ADAMTS12: variants seen among roughly 807,000 people sequenced by gnomAD.
ADAMTS12 encodes ADAM metallopeptidase with thrombospondin type 1 motif 12.
A neutral mutation model predicts 167.8 loss-of-function variants in ADAMTS12; 118 were observed. The observed-to-expected ratio is 0.70, with a 90% CI of 0.61 to 0.82. The LOEUF (loss-of-function observed/expected upper bound fraction) is 0.82. Among genes scored for constraint, ADAMTS12 ranks in the 40% least tolerant of loss-of-function variants. ADAMTS12 has a pLI of 0.00. For missense variants in ADAMTS12, 1,916 were observed against 1,998.8 expected (o/e 0.96, Z 0.79); for synonymous variants, 704 against 716.9 (o/e 0.98, Z 0.29).
chr5:33,878,810 C>G (rs1445042060), intron 2 of ADAMTS12, among the ~76,000 whole-genome samples: 1 of 152,164 alleles, frequency 6.6e-6, no homozygotes, highest in Non-Finnish European at 1.5e-5. Flanking sequence ...ATCAAAACAT[C>G]TAGGCTGTGG....
At chr5:33,562,377 C>T (rs1745788825) in intron 19 of ADAMTS12, among the ~76,000 whole-genome samples, 1 of 152,038 alleles carries the variant, frequency 6.6e-6, no homozygotes, top group African/African-American at 2.4e-5. Context: ...CTTTGAAAAC[C>T]ATGAAAATGT....
chr5:33,558,816 A>G (rs900371056), intron 20 of ADAMTS12, among the ~76,000 whole-genome samples: 9 of 152,242 alleles, frequency 5.9e-5, no homozygotes, highest in African/African-American at 2.2e-4. Flanking sequence ...TTCTCTGGAT[A>G]TGGAAGAGAA....
At chr5:33,879,592 T>C (rs932218546) in intron 2 of ADAMTS12, among the ~76,000 whole-genome samples, 1 of 152,048 alleles carries the variant, frequency 6.6e-6, no homozygotes, top group Non-Finnish European at 1.5e-5. Context: ...AAAAGAAAAA[T>C]AGAAAACCAT....
intron 20 of ADAMTS12, among the ~76,000 whole-genome samples, chr5:33,555,374 A>C (rs905229277): frequency 6.6e-6 from 1 of 152,138 alleles, no homozygotes; most frequent in African/African-American, 2.4e-5. Context: ...CCTCCCGAGT[A>C]GCTGGGACTA....
At chr5:33,848,920 A>G (rs927009294) in intron 2 of ADAMTS12, among the ~76,000 whole-genome samples, 1 of 151,788 alleles carries the variant, frequency 6.6e-6, no homozygotes. Flanking sequence ...ATATATATAT[A>G]TCGTGGTGTT....
chr5:33,624,050 G>A (rs7710204), intron 14 of ADAMTS12, among the ~76,000 whole-genome samples, 181 bp downstream of exon 14: 1 of 151,922 alleles, frequency 6.6e-6, no homozygotes, highest in African/African-American at 2.4e-5. Context: ...CAATCAACCC[G>A]TTTCCTACAA....
At chr5:33,630,248 A>C (rs781314407) in intron 13 of ADAMTS12, among the ~76,000 whole-genome samples, 2 of 152,236 alleles carry the variant, frequency 1.3e-5, no homozygotes, top group South Asian at 4.1e-4. Flanking sequence ...ATGGTTACAC[A>C]CTTAAAAGCA....
chr5:33,720,472 G>A (rs2112334207), intron 3 of ADAMTS12, among the ~76,000 whole-genome samples: 1 of 152,200 alleles, frequency 6.6e-6, no homozygotes, highest in Non-Finnish European at 1.5e-5. Flanking sequence ...ATGCTAAATA[G>A]AAAGACCAGA....
At position 33,823,240 on chromosome 5, in the gene ADAMTS12, T is replaced by C. The variant is rs529459548; in HGVS notation, c.489+57879A>G. Among the ~76,000 whole-genome samples, 10 of 152,344 alleles carry C rather than the reference T, an allele frequency of 6.6e-5. No homozygotes were observed. In the South Asian group the frequency reaches 2.1e-3, roughly 32 times the overall value. On this transcript the variant is annotated intron_variant, in intron 2 of 23. Coordinates refer to ENST00000504830, the MANE Select transcript of ADAMTS12 (RefSeq NM_030955.4). ...TTTCTCCCTGGGTGGCAAGCTCAATTGCCTTCAGGGCCAAACTGGTAACAT... is the reference window on the plus strand; with the variant it reads ...TTTCTCCCTGGGTGGCAAGCTCAATCGCCTTCAGGGCCAAACTGGTAACAT...
chr5:33,798,708 G>A (rs1746875180), intron 2 of ADAMTS12, among the ~76,000 whole-genome samples: 1 of 152,016 alleles, frequency 6.6e-6, no homozygotes, highest in South Asian at 2.1e-4. Context: ...CCAAAGTGCT[G>A]GGATTACAGG....
At chr5:33,543,606 T>A (rs1279412993) in intron 22 of ADAMTS12, among the ~76,000 whole-genome samples, 17 of 151,986 alleles carry the variant, frequency 1.1e-4, no homozygotes, top group Admixed American at 1.0e-3. Context: ...AGTGCAAAAA[T>A]CCTCAATAAA....
At chr5:33,611,867 C>A (rs1010070782) in intron 16 of ADAMTS12, among the ~76,000 whole-genome samples, 1 of 152,098 alleles carries the variant, frequency 6.6e-6, no homozygotes, top group Non-Finnish European at 1.5e-5. Flanking sequence ...CACCTATATA[C>A]ATCTATGATT....
chr5:33,585,240 A>G (rs73760603), intron 18 of ADAMTS12, among the ~76,000 whole-genome samples: 6,094 of 152,248 alleles, frequency 0.04, 385 homozygotes, highest in African/African-American at 0.13. Context: ...CCATCTATCA[A>G]AAAGAAAGAA....
intron 19 of ADAMTS12, among the ~76,000 whole-genome samples, chr5:33,569,581 A>T (rs1380788714): frequency 6.6e-6 from 1 of 152,160 alleles, no homozygotes; most frequent in Non-Finnish European, 1.5e-5. Flanking sequence ...ACATCCACAC[A>T]AAAAACCCAT....
chr5:33,584,552 G>A (rs1747237298), intron 18 of ADAMTS12, among the ~76,000 whole-genome samples: 1 of 152,174 alleles, frequency 6.6e-6, no homozygotes, highest in South Asian at 2.1e-4. Context: ...AACAAGGTTT[G>A]CAAAATCAGA....
intron 2 of ADAMTS12, among the ~76,000 whole-genome samples, chr5:33,875,443 A>G (rs1467140253): frequency 6.6e-6 from 1 of 152,206 alleles, no homozygotes; most frequent in African/African-American, 2.4e-5. Flanking sequence ...AGATTATGAG[A>G]TATCTCTTTA....
intron 2 of ADAMTS12, among the ~76,000 whole-genome samples, chr5:33,800,272 G>A (rs944897913): frequency 1.3e-5 from 2 of 152,192 alleles, no homozygotes; most frequent in African/African-American, 4.8e-5. Context: ...GAAAAGGTTG[G>A]AGTAGTAAGG....
intron 19 of ADAMTS12, among the ~76,000 whole-genome samples, chr5:33,572,217 C>A (rs1264843222): frequency 4.3e-4 from 66 of 152,070 alleles, no homozygotes; most frequent in Middle Eastern, 3.4e-3. Context: ...CAATCAATAG[C>A]AAAAGAGGGA....
chr5:33,678,367 AC>A (rs1741992516), intron 5 of ADAMTS12, among the ~76,000 whole-genome samples: 1 of 152,164 alleles, frequency 6.6e-6, no homozygotes, highest in South Asian at 2.1e-4. Context: ...GCAACACCAA[AC>A]TCAACCTCTG....
Sources: gnomAD v4.1 joint callset for allele counts (sites outside exome capture counted in the v4.1 genomes callset) on GRCh38, gnomAD v4.1.1 for gene constraint, MANE v1.5 for transcripts, NCBI Gene and HGNC (gene_info 2026-07-23, HGNC 2026-07-21) for gene names.